The following ATP2B4 variants were observed in gnomAD, a reference collection of about 807,000 sequenced individuals.
ATP2B4 encodes the protein plasma membrane calcium-transporting ATPase 4.
In ATP2B4, 39 loss-of-function variants were observed where a neutral mutation model predicts 110.3. The ratio of observed to expected loss-of-function variants is 0.35; its 90% CI spans 0.27 to 0.46. ATP2B4 has a LOEUF of 0.46. Among genes scored for constraint, ATP2B4 ranks in the 20% least tolerant of loss-of-function variants. ATP2B4 has a pLI of 1.00. For synonymous variants in ATP2B4, 538 were observed against 571.7 expected, an observed-to-expected ratio of 0.94 and a Z score of 0.84; for missense variants, 1,135 against 1,530.9, an observed-to-expected ratio of 0.74 and a Z score of 4.32.
chr1:203,721,877 G>A (rs950459127), intron 17 of ATP2B4, among the ~76,000 whole-genome samples: 3 of 151,848 alleles, frequency 2.0e-5, no homozygotes, highest in Non-Finnish European at 4.4e-5. Context: ...TGGCCAGGCT[G>A]GGCTCGATCT....
At chr1:203,709,646 C>A in intron 11 of ATP2B4, 104 bp downstream of exon 11, 1 of 1,531,012 alleles carries the variant, frequency 6.5e-7, no homozygotes, top group Non-Finnish European at 8.9e-7. Flanking sequence ...GCCCTCCAGC[C>A]AGGTGGTGAC....
intron 7 of ATP2B4, among the ~76,000 whole-genome samples, chr1:203,703,160 CAATCGAGAGA>C (rs1297505347): frequency 5.3e-5 from 7 of 130,990 alleles, no homozygotes; most frequent in Admixed American, 2.4e-4. Context: ...TCTTCCCTGA[CAATCGAGAGA>C]GAGAGAGAGA....
intron 1 of ATP2B4, among the ~76,000 whole-genome samples, chr1:203,661,154 G>A: frequency 6.6e-6 from 1 of 151,838 alleles, no homozygotes; most frequent in Middle Eastern, 3.2e-3. Flanking sequence ...TAGTGATCTG[G>A]GATTTGGGCT....
intron 7 of ATP2B4, 145 bp downstream of exon 7, chr1:203,702,224 A>G: frequency 9.1e-7 from 1 of 1,094,754 alleles, no homozygotes; most frequent in Non-Finnish European, 1.3e-6. Flanking sequence ...AGGAAGGTGC[A>G]GAGATTTTTG....
chr1:203,671,842 T>G (rs534597903), intron 1 of ATP2B4, among the ~76,000 whole-genome samples: 1 of 152,328 alleles, frequency 6.6e-6, no homozygotes, highest in African/African-American at 2.4e-5. Context: ...AGGAAACACG[T>G]GTCTCCTCAG....
chr1:203,648,195 G>A (rs1309370693), intron 1 of ATP2B4, among the ~76,000 whole-genome samples: 1 of 152,136 alleles, frequency 6.6e-6, no homozygotes, highest in Non-Finnish European at 1.5e-5. Context: ...GAACCATAAA[G>A]ATTTCCTGCC....
chr1:203,637,767 GA>G (rs1663501269), intron 1 of ATP2B4, among the ~76,000 whole-genome samples: 1 of 152,234 alleles, frequency 6.6e-6, no homozygotes, highest in South Asian at 2.1e-4. Flanking sequence ...GCCCAAGGTA[GA>G]GAGGAATGTA....
chr1:203,681,954 C>A (rs1373008703), intron 1 of ATP2B4, among the ~76,000 whole-genome samples: 10 of 149,492 alleles, frequency 6.7e-5, no homozygotes. Flanking sequence ...AAAAGTTCAC[C>A]CTGCGTCACC....
At chr1:203,651,550 A>G (rs1050635399) in intron 1 of ATP2B4, among the ~76,000 whole-genome samples, 29 of 152,158 alleles carry the variant, frequency 1.9e-4, no homozygotes, top group Non-Finnish European at 3.5e-4. Context: ...CTTGATAACC[A>G]TATGTATGCC....
intron 2 of ATP2B4, among the ~76,000 whole-genome samples, chr1:203,690,026 G>T (rs932272520): frequency 2.0e-5 from 3 of 152,218 alleles, no homozygotes; most frequent in Non-Finnish European, 4.4e-5. Flanking sequence ...TTACTGGGTA[G>T]TTACTAGGTT....
At chr1:203,641,317 C>T (rs942063368) in intron 1 of ATP2B4, among the ~76,000 whole-genome samples, 2 of 152,202 alleles carry the variant, frequency 1.3e-5, no homozygotes, top group African/African-American at 4.8e-5. Flanking sequence ...GATCTGATGT[C>T]CTCTGCACTC....
rs756290397 is a variant in ATP2B4 at position 203,698,290 on chromosome 1, G to A, written c.327G>A (p.Leu109=). The A allele has an allele frequency of 6.2e-7, 1 of 1,614,076 alleles. No homozygotes were observed. The highest frequency in any genetic ancestry group is 8.5e-7 in the Non-Finnish European group (1 of 1,180,008). The change falls in exon 3 of 21, where the codon CTG becomes CTA. Residue 109 remains leucine, a synonymous_variant. Coordinates refer to ENST00000357681, the MANE Select transcript of ATP2B4 (RefSeq NM_001684.5). ...TTCAAGATGTCACGCTTATCATCCT[G>A]GAGATTGCAGCCATCATCTCCCTGG... The part of the protein sequence containing the change: ...EALQDVTLII[L]EIAAIISLVL...
At chr1:203,706,018 A>G (rs1292463798) in intron 8 of ATP2B4, among the ~76,000 whole-genome samples, 3 of 152,234 alleles carry the variant, frequency 2.0e-5, no homozygotes, top group African/African-American at 4.8e-5. Context: ...CCAAAACCAG[A>G]TAATGATTTA....
At chr1:203,715,609 T>C (rs1418756191) in intron 15 of ATP2B4, among the ~76,000 whole-genome samples, 2 of 144,150 alleles carry the variant, frequency 1.4e-5, no homozygotes, top group Non-Finnish European at 3.1e-5. Flanking sequence ...AAAAAAAATT[T>C]CATTATATGC....
intron 4 of ATP2B4, 60 bp from the exon 5 acceptor site, chr1:203,700,146 T>A: frequency 3.2e-6 from 5 of 1,567,496 alleles, no homozygotes; most frequent in Non-Finnish European, 4.3e-6. Context: ...TGGAGGACCC[T>A]ACCCTCAGCC....
intron 1 of ATP2B4, among the ~76,000 whole-genome samples, chr1:203,639,526 C>T (rs908667788): frequency 6.6e-6 from 1 of 152,152 alleles, no homozygotes; most frequent in African/African-American, 2.4e-5. Context: ...CCCTTGACTT[C>T]AGGGAGGTAA....
At position 203,653,983 on chromosome 1, in the gene ATP2B4, ATATT is replaced by A. The variant is rs1298642443; in HGVS notation, c.-465+26766_-465+26769del. Among the ~76,000 whole-genome samples, 37 of 14,626 alleles carry A rather than the reference ATATT, an allele frequency of 2.5e-3. No homozygotes were observed. The East Asian group carries it at 0.054, about 21-fold the overall frequency. 9.6% of individuals were successfully genotyped at this position (14,626 alleles called of 152,430 possible). A position where few individuals can be genotyped will look rare whatever the true frequency, so the allele number is the denominator to read the frequency against. ...CAAATATATATATATATATATATATATATTTTTTTTTTTTTTTGAGATGGAGTTT... is the reference window on the plus strand; with the variant it reads ...CAAATATATATATATATATATATATATTTTTTTTTTTTTGAGATGGAGTTT... On this transcript the variant is annotated intron_variant, in intron 1 of 20. Coordinates refer to ENST00000357681, the MANE Select transcript of ATP2B4 (RefSeq NM_001684.5).
At chr1:203,689,172 G>A (rs1665293646) in intron 2 of ATP2B4, among the ~76,000 whole-genome samples, 1 of 152,226 alleles carries the variant, frequency 6.6e-6, no homozygotes, top group South Asian at 2.1e-4. Context: ...GGCCTCGTGA[G>A]TGGAAGAAGC....
intron 1 of ATP2B4, among the ~76,000 whole-genome samples, chr1:203,653,192 C>T (rs991425727): frequency 2.0e-5 from 3 of 152,248 alleles, no homozygotes; most frequent in Non-Finnish European, 4.4e-5. Context: ...CCAGCCACAA[C>T]ATTCCCTTAA....
Sources: allele counts gnomAD v4.1 joint callset (sites outside exome capture counted in the v4.1 genomes callset), GRCh38; gene constraint gnomAD v4.1.1; transcripts MANE v1.5; gene names NCBI Gene and HGNC (gene_info 2026-07-23, HGNC 2026-07-21).